NEMP1: variants seen among roughly 807,000 people sequenced by gnomAD.
NEMP1 encodes nuclear envelope integral membrane protein 1.
NEMP1 carries 29 observed loss-of-function variants against 53.7 expected under a neutral mutation model. The ratio of observed to expected loss-of-function variants is 0.54; its 90% CI spans 0.40 to 0.74. The LOEUF (loss-of-function observed/expected upper bound fraction) is 0.74. Ranked by LOEUF, NEMP1 falls within the 30% of genes least tolerant of loss-of-function variation. The pLI, the probability that NEMP1 is intolerant of heterozygous loss-of-function variation, is 0.00. For missense variants in NEMP1, 477 were observed against 528.6 expected (o/e 0.90, Z 0.96); for synonymous variants, 193 against 192.9 (o/e 1.00, Z 0.00).
intron 3 of NEMP1, among the ~76,000 whole-genome samples, chr12:57,069,522 A>G (rs1037976145): frequency 6.6e-6 from 1 of 152,168 alleles, no homozygotes; most frequent in Non-Finnish European, 1.5e-5. Flanking sequence ...TCTTACTTTT[A>G]CTTAGGCTAC....
upstream of NEMP1, among the ~76,000 whole-genome samples, chr12:57,083,773 G>T (rs1424213772): frequency 3.9e-5 from 6 of 152,098 alleles, no homozygotes; most frequent in Non-Finnish European, 5.9e-5. Flanking sequence ...TTATGAAAAA[G>T]ATTTTGTTTT....
intron 1 of NEMP1, among the ~76,000 whole-genome samples, chr12:57,074,135 G>GC (rs1565664317): frequency 7.0e-6 from 1 of 142,230 alleles, no homozygotes; most frequent in Non-Finnish European, 1.5e-5. Flanking sequence ...CACCCAGCTA[G>GC]TTTTTTTTTT....
At chr12:57,070,980 C>A in intron 2 of NEMP1, 87 bp from the exon 3 acceptor site, 2 of 1,078,028 alleles carry the variant, frequency 1.9e-6, no homozygotes, top group East Asian at 2.5e-5. Context: ...AACCCTCAGA[C>A]TAACAACCAA....
chr12:57,078,633 A>C lies in NEMP1; in HGVS notation c.113T>G (p.Leu38Trp). Reference sequence around the variant, plus strand: ...CCGGGCGGTACCTGTGCCGTAGACCAAGCAGCCGGAGAGGATCAAGAGTAG... The same window carrying C: ...CCGGGCGGTACCTGTGCCGTAGACCCAGCAGCCGGAGAGGATCAAGAGTAG... ...VRLLLILSGC[L>W]VYGTAETDVN... The change falls in exon 1 of 9, where the codon TTG (leucine) becomes TGG (tryptophan). Residue 38 changes from leucine (L) to tryptophan (W), a missense_variant. Transcript: ENST00000300128. 1 of 1,612,294 alleles carries C rather than the reference A, an allele frequency of 6.2e-7. No individual in the cohort carries two copies. Among genetic ancestry groups the C allele is most frequent in the Non-Finnish European group, 8.5e-7 (1 of 1,179,196 alleles).
chr12:57,063,164 G>T lies in NEMP1; in HGVS notation c.935C>A (p.Thr312Asn). 1 of 1,614,132 alleles carries T rather than the reference G, an allele frequency of 6.2e-7. No homozygotes were observed. The highest frequency in any genetic ancestry group is 8.5e-7 in the Non-Finnish European group (1 of 1,180,020). The change falls in exon 7 of 9, where the codon ACT (threonine) becomes AAT (asparagine). Residue 312 changes from threonine to asparagine, a missense_variant. Coordinates refer to ENST00000300128, the MANE Select transcript of NEMP1 (RefSeq NM_001130963.2). ...CTGAATAGGGTGTTCCAGGTTCTTA[G>T]TACAAAGAGCAATGATGATAATGGC... ...ALAIIIIALC[T>N]KNLEHPIQWL...
In NEMP1 at chr12:57,064,578, T is replaced by C. The variant is rs370589094; in HGVS notation, c.639+68A>G. On this transcript the variant is annotated intron_variant, in intron 5 of 8. Transcript: ENST00000300128. ...ATACACATTTTCAGTTTTCTAAGAT[T>C]ACCCAGGAAAACAGTCCTTCAGCTA... 14 of 1,219,804 alleles carry C rather than the reference T, an allele frequency of 1.1e-5. No homozygotes were observed. In the Admixed American group the frequency reaches 1.2e-4, roughly 11 times the overall value. The allele number at this position is 1,219,804 out of a possible 1,614,324, so 75.6% of individuals were successfully genotyped here. A position where few individuals can be genotyped will look rare whatever the true frequency, so the allele number is the denominator to read the frequency against.
intron 1 of NEMP1, among the ~76,000 whole-genome samples, chr12:57,085,718 T>G (rs1247726703): frequency 1.3e-5 from 2 of 152,260 alleles, no homozygotes; most frequent in Non-Finnish European, 2.9e-5. Flanking sequence ...CTTTAGCATC[T>G]GAGTGTGAAT....
intron 4 of NEMP1, among the ~76,000 whole-genome samples, chr12:57,067,244 A>G (rs1261870396): frequency 6.6e-6 from 1 of 152,082 alleles, no homozygotes; most frequent in African/African-American, 2.4e-5. Context: ...GAATGGCATG[A>G]ACCCGGAAGG....
At chr12:57,082,331 T>C (rs987198032), upstream of NEMP1, among the ~76,000 whole-genome samples, 1 of 152,132 alleles carries the variant, frequency 6.6e-6, no homozygotes, top group East Asian at 1.9e-4. Context: ...ACCATACTAA[T>C]GTCAGATAAT....
intron 1 of NEMP1, among the ~76,000 whole-genome samples, chr12:57,073,473 T>A (rs959778523): frequency 3.3e-5 from 5 of 151,716 alleles, no homozygotes; most frequent in African/African-American, 1.2e-4. Context: ...AACCCCCCCG[T>A]CTCTACTAAA....
chr12:57,057,615 A>AG lies in NEMP1; in HGVS notation c.*2263_*2264insC, dbSNP rs2031589868. The AG allele has an allele frequency of 6.6e-6, 1 of 152,308 alleles. No individual in the cohort carries two copies. Among genetic ancestry groups the AG allele is most frequent in the South Asian group, 2.1e-4 (1 of 4,832 alleles). 9.4% of individuals were successfully genotyped at this position (152,308 alleles called of 1,614,324 possible). ...CTCTCAGGCTGCAGAACCAATTGCC[A>AG]TCTCCACTGCCTACAGCTCAGGTCT... On this transcript the variant is annotated 3_prime_UTR_variant, in exon 9 of 9. Coordinates refer to ENST00000300128, the MANE Select transcript of NEMP1 (RefSeq NM_001130963.2).
rs1195119888 is a variant in NEMP1 at position 57,058,758 on chromosome 12, T to C, written c.*1121A>G. Reference sequence around the variant, plus strand: ...ACAAATTGTGTATCAAGAAACTACATAGTTTCAAGGCTTAAAAATTACCCA... The same window carrying C: ...ACAAATTGTGTATCAAGAAACTACACAGTTTCAAGGCTTAAAAATTACCCA... On this transcript the variant is annotated 3_prime_UTR_variant, in exon 9 of 9. Coordinates refer to ENST00000300128, the MANE Select transcript of NEMP1 (RefSeq NM_001130963.2). The C allele has an allele frequency of 6.6e-6, 1 of 152,110 alleles. No individual in the cohort carries two copies. Among genetic ancestry groups the C allele is most frequent in the African/African-American group, 2.4e-5 (1 of 41,386 alleles). The allele number at this position is 152,110 out of a possible 1,614,324, so 9.4% of individuals were successfully genotyped here.
At chr12:57,078,367 C>A (rs1463481804) in intron 1 of NEMP1, among the ~76,000 whole-genome samples, 1 of 152,096 alleles carries the variant, frequency 6.6e-6, no homozygotes, top group African/African-American at 2.4e-5. Flanking sequence ...GTCTAGGCCT[C>A]CCTTCCTGTC....
chr12:57,080,168 G>A (rs2032801785), upstream of NEMP1, among the ~76,000 whole-genome samples: 1 of 152,076 alleles, frequency 6.6e-6, no homozygotes, highest in Admixed American at 6.6e-5. Flanking sequence ...ATCTTGCTAT[G>A]TTGCCCAGGC....
At chr12:57,074,596 C>T (rs112653514) in intron 1 of NEMP1, among the ~76,000 whole-genome samples, 4,249 of 150,604 alleles carry the variant, frequency 0.028, 207 homozygotes, top group African/African-American at 0.097. Context: ...TAAGCCACCA[C>T]GCCCAGCCAG....
upstream of NEMP1, among the ~76,000 whole-genome samples, chr12:57,088,498 CTT>C (rs1292112536): frequency 6.6e-6 from 1 of 152,230 alleles, no homozygotes. Flanking sequence ...CCTTCGCTAA[CTT>C]TTCCCGGCTC....
chr12:57,070,851 C>T lies in NEMP1; in HGVS notation c.295G>A (p.Glu99Lys), dbSNP rs547884385. Residue 99 changes from glutamate (E) to lysine (K), a missense_variant, in exon 3 of 9, where the codon GAG becomes AAG. Transcript: ENST00000300128. ...SSRLVRVTQV[E>K]NEEKLKELEQ... ...AGCTCCTTCAGTTTCTCCTCATTCT[C>T]CACCTGGGTGACTCGAACCAATCTG... 49 of 1,614,150 alleles carry T rather than the reference C, an allele frequency of 3.0e-5. No homozygotes were observed. The South Asian group carries it at 3.1e-4, about 10-fold the overall frequency.
At chr12:57,074,809 C>T (rs548611904) in intron 1 of NEMP1, among the ~76,000 whole-genome samples, 3 of 152,070 alleles carry the variant, frequency 2.0e-5, no homozygotes, top group African/African-American at 4.8e-5. Context: ...ACTGTCCAGC[C>T]GGGCATGGTG....
At chr12:57,076,671 G>A (rs2032637300) in intron 1 of NEMP1, among the ~76,000 whole-genome samples, 1 of 152,158 alleles carries the variant, frequency 6.6e-6, no homozygotes, top group Non-Finnish European at 1.5e-5. Context: ...GCCAGGCATG[G>A]TGGCATGCGC....
Sources: gnomAD v4.1 joint callset for allele counts (sites outside exome capture counted in the v4.1 genomes callset) on GRCh38, gnomAD v4.1.1 for gene constraint, MANE v1.5 for transcripts, NCBI Gene and HGNC (gene_info 2026-07-23, HGNC 2026-07-21) for gene names.